FANK1: variants seen among roughly 807,000 people sequenced by gnomAD.
FANK1 encodes the protein fibronectin type 3 and ankyrin repeat domains protein 1.
A neutral mutation model predicts 45.3 loss-of-function variants in FANK1; 44 were observed. That is an observed-to-expected ratio of 0.97 (90% confidence interval 0.76 to 1.25). The LOEUF (loss-of-function observed/expected upper bound fraction) is 1.25, where lower values mean the gene tolerates loss of function less well. Ranked by LOEUF, FANK1 falls within the 50% of genes most tolerant of loss-of-function variation. The pLI is 0.00. For missense variants in FANK1, 391 were observed against 424.4 expected (o/e 0.92, Z 0.69); for synonymous variants, 149 against 152.5 (o/e 0.98, Z 0.17).
intron 3 of FANK1, among the ~76,000 whole-genome samples, chr10:125,989,959 C>T (rs879372339): frequency 1.4e-4 from 22 of 152,284 alleles, no homozygotes; most frequent in East Asian, 1.4e-3. Flanking sequence ...CTGTCCCCAC[C>T]GCCCACAGGC....
intron 1 of FANK1, among the ~76,000 whole-genome samples, chr10:125,938,174 T>C (rs568603512): frequency 2.6e-5 from 4 of 152,292 alleles, no homozygotes; most frequent in East Asian, 3.9e-4. Context: ...TGAGAAACTA[T>C]ATCGATGCTT....
At chr10:125,994,569 C>T (rs1000566043) in intron 3 of FANK1, 28 of 985,208 alleles carry the variant, frequency 2.8e-5, no homozygotes, top group South Asian at 4.7e-5. Context: ...TGGGTACTTA[C>T]GATGTGTCAG....
intron 1 of FANK1, among the ~76,000 whole-genome samples, chr10:125,978,301 C>T (rs987763365): frequency 2.8e-4 from 40 of 144,894 alleles, no homozygotes; most frequent in Non-Finnish European, 1.2e-4. Context: ...TGAGGAGGAA[C>T]GGGATTGGGA....
At chr10:125,976,910 A>G (rs1374386500) in intron 1 of FANK1, among the ~76,000 whole-genome samples, 1 of 152,180 alleles carries the variant, frequency 6.6e-6, no homozygotes, top group African/African-American at 2.4e-5. Flanking sequence ...GGAGTGAGCT[A>G]CTGTGCCCGG....
chr10:125,912,669 G>C (rs1946123400), intron 1 of FANK1, among the ~76,000 whole-genome samples: 1 of 152,078 alleles, frequency 6.6e-6, no homozygotes, highest in African/African-American at 2.4e-5. Flanking sequence ...AGTCTTGCTT[G>C]CTCTGTTGTC....
chr10:125,910,792 TGG>T (rs1268302858), intron 1 of FANK1, among the ~76,000 whole-genome samples: 2 of 152,168 alleles, frequency 1.3e-5, no homozygotes, highest in Non-Finnish European at 2.9e-5. Context: ...CCCAGCACTT[TGG>T]GAGGCCGAGG....
chr10:125,992,784 G>A (rs940059720), intron 3 of FANK1, among the ~76,000 whole-genome samples: 1 of 151,904 alleles, frequency 6.6e-6, no homozygotes, highest in Admixed American at 6.6e-5. Context: ...GTAGAGAGGT[G>A]GTTGGGGCTG....
intron 1 of FANK1, among the ~76,000 whole-genome samples, chr10:125,965,622 A>G (rs1211569258): frequency 1.3e-5 from 2 of 152,204 alleles, no homozygotes; most frequent in Non-Finnish European, 2.9e-5. Flanking sequence ...AGGCTGCTGT[A>G]CTTCTTTGAG....
intron 1 of FANK1, among the ~76,000 whole-genome samples, chr10:125,977,758 G>C (rs1191066501): frequency 6.6e-6 from 1 of 152,166 alleles, no homozygotes; most frequent in Non-Finnish European, 1.5e-5. Flanking sequence ...TCCCTGTCTG[G>C]TGATGAGCCA....
intron 3 of FANK1, chr10:125,994,909 G>C (rs1463208386): frequency 2.0e-6 from 2 of 985,216 alleles, no homozygotes; most frequent in African/African-American, 1.7e-5. Flanking sequence ...CCACCTTCCT[G>C]TGGGTCGAAG....
At chr10:125,922,212 T>C (rs1946994223) in intron 1 of FANK1, among the ~76,000 whole-genome samples, 1 of 152,208 alleles carries the variant, frequency 6.6e-6, no homozygotes. Context: ...ACTTCTCATA[T>C]TTGGGGATGT....
intron 3 of FANK1, 92 bp from the exon 4 acceptor site, chr10:125,995,325 G>GTT: frequency 1.7e-6 from 2 of 1,149,134 alleles, no homozygotes; most frequent in Non-Finnish European, 2.6e-6. Context: ...CCTTCCTGAA[G>GTT]ATGATCCCCT....
At chr10:125,962,812 T>A (rs1463060447) in intron 1 of FANK1, among the ~76,000 whole-genome samples, 1 of 152,074 alleles carries the variant, frequency 6.6e-6, no homozygotes, top group East Asian at 1.9e-4. Flanking sequence ...TGCATATTGG[T>A]GATTTTTGAA....
intron 1 of FANK1, among the ~76,000 whole-genome samples, chr10:125,911,045 A>G (rs950450047): frequency 2.0e-5 from 3 of 151,942 alleles, no homozygotes; most frequent in Non-Finnish European, 4.4e-5. Flanking sequence ...CCAAAAAAAA[A>G]AAAAGATGTC....
rs891104933 is a variant in FANK1 at position 125,983,295 on chromosome 10, C to G, written c.191+2957C>G. 3.3e-5 allele frequency among the ~76,000 whole-genome samples: 5 copies of G among 152,106 alleles called. No homozygotes were observed. Among genetic ancestry groups the G allele is most frequent in the South Asian group, 4.2e-4 (2 of 4,806 alleles). On this transcript the variant is annotated intron_variant, in intron 2 of 10. Transcript: ENST00000368693. The surrounding 1 kb of genome is among the most constrained non-coding windows in gnomAD (Gnocchi z 4.3). ...TGTCTGTGCCCTAAATTCCTGTGAT[C>G]GTTGCTGCCCATGCCACGCATTCCA...
intron 1 of FANK1, among the ~76,000 whole-genome samples, chr10:125,917,931 A>G (rs1946579869): frequency 6.6e-6 from 1 of 152,306 alleles, no homozygotes; most frequent in Non-Finnish European, 1.5e-5. Flanking sequence ...TTAAAAAGAA[A>G]AGTCAGGTGT....
chr10:125,921,954 G>T (rs1229765774), intron 1 of FANK1, among the ~76,000 whole-genome samples: 1 of 151,916 alleles, frequency 6.6e-6, no homozygotes, highest in African/African-American at 2.4e-5. Context: ...TACTGTTTTT[G>T]TTTAAATATT....
At chr10:125,922,542 G>T (rs199684021) in intron 1 of FANK1, among the ~76,000 whole-genome samples, 1 of 152,042 alleles carries the variant, frequency 6.6e-6, no homozygotes, top group African/African-American at 2.4e-5. Context: ...TTTGAGACAG[G>T]GTCTCACTCT....
At chr10:125,986,321 G>A (rs1951557416) in intron 2 of FANK1, among the ~76,000 whole-genome samples, 1 of 152,102 alleles carries the variant, frequency 6.6e-6, no homozygotes, top group South Asian at 2.1e-4. Flanking sequence ...TAGATTTGGT[G>A]TCTGAAGTAA....
Sources: allele counts gnomAD v4.1 joint callset (sites outside exome capture counted in the v4.1 genomes callset), GRCh38; gene constraint gnomAD v4.1.1; non-coding constraint Gnocchi (gnomAD v3.1); transcripts MANE v1.5; gene names NCBI Gene and HGNC (gene_info 2026-07-23, HGNC 2026-07-21).